The following MVP variants were observed in gnomAD, a reference collection of about 807,000 sequenced individuals.
The protein encoded by MVP is lung resistance-related protein.
A neutral mutation model predicts 83.5 loss-of-function variants in MVP; 62 were observed. The observed-to-expected ratio is 0.74, with a 90% CI of 0.61 to 0.92. MVP has a LOEUF of 0.92. MVP is among the 40% of genes least tolerant of loss of function. MVP has a pLI of 0.00. For missense variants in MVP, 1,000 were observed against 1,203.4 expected (o/e 0.83, Z 2.50); for synonymous variants, 505 against 504.1 (o/e 1.00, Z -0.02).
At chr16:29,832,596 CTTT>C (rs1177021376) in intron 3 of MVP, among the ~76,000 whole-genome samples, 1 of 122,798 alleles carries the variant, frequency 8.1e-6, no homozygotes, top group African/African-American at 3.0e-5. Flanking sequence ...CGCGCCTGGC[CTTT>C]TTTTTTTTTT....
chr16:29,840,932 C>T (rs2067529729), intron 8 of MVP, among the ~76,000 whole-genome samples: 1 of 151,798 alleles, frequency 6.6e-6, no homozygotes, highest in Non-Finnish European at 1.5e-5. Flanking sequence ...GAGTGAGACT[C>T]TGTCAAAAAA....
chr16:29,824,133 T>C (rs1484802581), intron 1 of MVP, among the ~76,000 whole-genome samples: 2 of 142,884 alleles, frequency 1.4e-5, no homozygotes, highest in African/African-American at 5.3e-5. Flanking sequence ...GGAGAATTGC[T>C]TGAACTCGGG....
Position 29,833,815 on chromosome 16 carries a change from A to G in MVP, c.404A>G (p.Asp135Gly). The G allele has an allele frequency of 6.2e-7, 1 of 1,614,072 alleles. No homozygotes were observed. The highest frequency in any genetic ancestry group is 8.5e-7 in the Non-Finnish European group (1 of 1,180,004). Residue 135 changes from aspartate to glycine, a missense_variant, in exon 4 of 15, where the codon GAC becomes GGC. Coordinates refer to ENST00000357402, the MANE Select transcript of MVP (RefSeq NM_005115.5). The part of the protein sequence containing the change: ...ALLDFEDKDG[D>G]KVVAGDEWLF... ...CTTGATTTTGAGGATAAAGATGGAG[A>G]CAAGGTGGTGGCAGGAGATGAGTGG...
At chr16:29,822,087 GTTT>G (rs201002535) in intron 1 of MVP, among the ~76,000 whole-genome samples, 2 of 138,466 alleles carry the variant, frequency 1.4e-5, no homozygotes, top group Non-Finnish European at 1.6e-5. Flanking sequence ...TTGGGGTTTT[GTTT>G]TTTTTTTTTT....
intron 1 of MVP, among the ~76,000 whole-genome samples, chr16:29,822,937 C>T (rs1026394319): frequency 4.6e-5 from 7 of 151,450 alleles, no homozygotes. Context: ...AGGCTGGTCT[C>T]GAACTCCTGA....
rs2067478536 is a variant in MVP at position 29,835,506 on chromosome 16, CTT to C, written c.578-195_578-194del. 4.9e-5 allele frequency: 8 copies of C among 162,764 alleles called. No individual in the cohort carries two copies. In the Admixed American group the frequency reaches 4.9e-4, roughly 10 times the overall value. 10.1% of individuals were successfully genotyped at this position (162,764 alleles called of 1,614,324 possible). A position where few individuals can be genotyped will look rare whatever the true frequency, so the allele number is the denominator to read the frequency against. On this transcript the variant is annotated intron_variant, in intron 5 of 14. Transcript: ENST00000357402. Reference sequence around the variant, plus strand: ...AAAAAAAAAAAAAAAAAAAAAAAAACTTTTAAAATTCAACTGGGGTGGGGGTT... The same window carrying C: ...AAAAAAAAAAAAAAAAAAAAAAAAACTTAAAATTCAACTGGGGTGGGGGTT...
At chr16:29,823,694 A>C (rs1298803820) in intron 1 of MVP, among the ~76,000 whole-genome samples, 5 of 152,022 alleles carry the variant, frequency 3.3e-5, no homozygotes, top group Non-Finnish European at 5.9e-5. Context: ...TCTACTAAAA[A>C]TACAAAAAAA....
At position 29,841,816 on chromosome 16, in the gene MVP, A is replaced by ACGACTAC. The variant is rs1440719529; in HGVS notation, c.1416_1422dup (p.Glu475LeufsTer13). On this transcript the variant is annotated frameshift_variant, in exon 9 of 15. Transcript: ENST00000357402. LOFTEE classifies it high-confidence loss of function. This position sits in a 1 kb window ranked among gnomAD's most constrained non-coding sequence, Gnocchi z 4.7. The stretch of plus-strand genomic sequence containing the variant: ...CCCCACAACGCTGCGGTGCAGGTGT[A>ACGACTAC]CGACTACCGAGAGAAGCGAGCCCGG... 6.2e-7 allele frequency: 1 copy of ACGACTAC among 1,610,212 alleles called. No homozygotes were observed. Among genetic ancestry groups the ACGACTAC allele is most frequent in the Non-Finnish European group, 8.5e-7 (1 of 1,179,920 alleles).
At chr16:29,843,550 G>GA (rs2067553217) in intron 10 of MVP, among the ~76,000 whole-genome samples, 1 of 37,696 alleles carries the variant, frequency 2.7e-5, no homozygotes, top group African/African-American at 1.6e-4. Flanking sequence ...GGGAGGAAGG[G>GA]AGGGAGGGAG....
intron 1 of MVP, among the ~76,000 whole-genome samples, chr16:29,827,901 C>G (rs948258038): frequency 6.6e-6 from 1 of 152,134 alleles, no homozygotes; most frequent in Non-Finnish European, 1.5e-5. Flanking sequence ...GGCAACAGAA[C>G]AAGACCTTGT....
intron 1 of MVP, among the ~76,000 whole-genome samples, chr16:29,824,782 GCTA>G (rs758490421): frequency 3.9e-5 from 6 of 152,102 alleles, no homozygotes; most frequent in Non-Finnish European, 7.4e-5. Context: ...CAGTATATCA[GCTA>G]CTCACAGTTG....
chr16:29,829,111 C>T (rs2067423277), intron 1 of MVP, among the ~76,000 whole-genome samples: 1 of 145,752 alleles, frequency 6.9e-6, no homozygotes, highest in South Asian at 2.2e-4. Flanking sequence ...TCTCACTCTG[C>T]CTCTCATAAT....
intron 2 of MVP, 94 bp downstream of exon 2, chr16:29,830,768 C>A: frequency 6.3e-7 from 1 of 1,575,812 alleles, no homozygotes; most frequent in Non-Finnish European, 8.6e-7. Flanking sequence ...TCTTCCCAAG[C>A]AGGAGTGGCC....
intron 4 of MVP, 30 bp from the exon 5 acceptor site, chr16:29,833,905 T>C: frequency 1.2e-6 from 2 of 1,614,124 alleles, no homozygotes; most frequent in Non-Finnish European, 8.5e-7. Context: ...ATAGCCCTGA[T>C]ACCTTCTGAC....
intron 1 of MVP, among the ~76,000 whole-genome samples, chr16:29,829,296 G>C (rs528867492): frequency 6.7e-6 from 1 of 150,340 alleles, no homozygotes; most frequent in Non-Finnish European, 1.5e-5. Context: ...ACCAGCCTAG[G>C]CAACATAATG....
intron 3 of MVP, among the ~76,000 whole-genome samples, chr16:29,832,292 CTTTTTTTTTTTTT>C (rs36059297): frequency 9.3e-6 from 1 of 107,310 alleles, no homozygotes; most frequent in Non-Finnish European, 1.8e-5. Context: ...ATTCTTGTAC[CTTTTTTTTTTTTT>C]TTTTTTTTTT....
intron 3 of MVP, chr16:29,831,607 C>T: frequency 2.2e-6 from 1 of 456,226 alleles, no homozygotes; most frequent in Non-Finnish European, 4.4e-6. Flanking sequence ...ACACCTGCCT[C>T]TTTTCTGAGA....
At chr16:29,843,543 AG>A (rs1210921971) in intron 10 of MVP, among the ~76,000 whole-genome samples, 7 of 26,982 alleles carry the variant, frequency 2.6e-4, no homozygotes, top group Admixed American at 2.0e-3. Flanking sequence ...GGAGGAAGGG[AG>A]GAAGGGAGGG....
At chr16:29,821,036 C>G (rs1005353665) in intron 1 of MVP, 2 of 152,254 alleles carry the variant, frequency 1.3e-5, no homozygotes, top group South Asian at 2.1e-4. Context: ...TTCAGGAAGT[C>G]ATTAGCAGAG....
Sources: allele counts gnomAD v4.1 joint callset (sites outside exome capture counted in the v4.1 genomes callset), GRCh38; gene constraint gnomAD v4.1.1; non-coding constraint Gnocchi (gnomAD v3.1); transcripts MANE v1.5; gene names NCBI Gene and HGNC (gene_info 2026-07-23, HGNC 2026-07-21).